SGMS2: variants seen among roughly 807,000 people sequenced by gnomAD.
The protein encoded by SGMS2 is phosphatidylcholine:ceramide cholinephosphotransferase 2.
Under a neutral mutation model 43.8 loss-of-function variants are expected in SGMS2, and 21 were observed. The ratio of observed to expected loss-of-function variants is 0.48; its 90% CI spans 0.34 to 0.69. The LOEUF is 0.69. SGMS2 is among the 30% of genes least tolerant of loss of function. SGMS2 has a pLI of 0.01. For synonymous variants in SGMS2, 167 were observed against 160.6 expected, an observed-to-expected ratio of 1.04 and a Z score of -0.30; for missense variants, 384 against 443.2, an observed-to-expected ratio of 0.87 and a Z score of 1.20.
intron 2 of SGMS2, 149 bp from the exon 3 acceptor site, chr4:107,895,161 G>C (rs567597637): frequency 2.4e-5 from 4 of 169,548 alleles, no homozygotes; most frequent in Non-Finnish European, 5.0e-5. Context: ...AAATAAACTT[G>C]ATCTCAGCAG....
intron 2 of SGMS2, among the ~76,000 whole-genome samples, chr4:107,879,612 C>T (rs1729193297): frequency 6.6e-6 from 1 of 151,990 alleles, no homozygotes; most frequent in Non-Finnish European, 1.5e-5. Context: ...CAGGCACACC[C>T]CACCATGCCT....
At chr4:107,883,033 T>C (rs922815033) in intron 2 of SGMS2, among the ~76,000 whole-genome samples, 1 of 152,174 alleles carries the variant, frequency 6.6e-6, no homozygotes, top group Non-Finnish European at 1.5e-5. Flanking sequence ...TATTTACACA[T>C]TTAATATATC....
chr4:107,869,026 TA>T (rs1728353877), intron 2 of SGMS2, among the ~76,000 whole-genome samples: 1 of 152,170 alleles, frequency 6.6e-6, no homozygotes, highest in South Asian at 2.1e-4. Flanking sequence ...AAGGTAGAAG[TA>T]AAGAATAGTA....
chr4:107,901,610 T>C (rs1432752026), intron 4 of SGMS2, among the ~76,000 whole-genome samples: 1 of 152,234 alleles, frequency 6.6e-6, no homozygotes, highest in Non-Finnish European at 1.5e-5. Flanking sequence ...TCCAGTTGCC[T>C]GCTCCCTTAT....
intron 2 of SGMS2, among the ~76,000 whole-genome samples, chr4:107,874,891 T>C (rs749139699): frequency 6.6e-6 from 1 of 152,142 alleles, no homozygotes; most frequent in Non-Finnish European, 1.5e-5. Flanking sequence ...GCGTCCCTCT[T>C]CCTAGAGCCA....
chr4:107,897,251 T>C (rs1730747059), intron 3 of SGMS2, among the ~76,000 whole-genome samples: 1 of 152,234 alleles, frequency 6.6e-6, no homozygotes, highest in African/African-American at 2.4e-5. Flanking sequence ...TCCTAAGCAT[T>C]TTCCTTAATA....
intron 2 of SGMS2, chr4:107,893,556 C>G (rs1730418789): frequency 6.6e-6 from 1 of 152,246 alleles, no homozygotes; most frequent in South Asian, 2.1e-4. Context: ...AAGACACTGT[C>G]AAGCCTGGGC....
intron 1 of SGMS2, among the ~76,000 whole-genome samples, chr4:107,856,117 CCTT>C (rs1317516996): frequency 1.3e-5 from 2 of 152,170 alleles, no homozygotes; most frequent in South Asian, 4.1e-4. Flanking sequence ...GATCAAGAAA[CCTT>C]CTCTATATTT....
Position 107,908,676 on chromosome 4 carries a change from C to T in SGMS2, c.839C>T (p.Ala280Val). 1 of 1,613,896 alleles carries T rather than the reference C, an allele frequency of 6.2e-7. No individual in the cohort carries two copies. Among genetic ancestry groups the T allele is most frequent in the Non-Finnish European group, 8.5e-7 (1 of 1,179,840 alleles). ...HEHYTIDVII[A>V]YYITTRLFWW... ...CACTACACTATCGATGTGATCATTG[C>T]TTATTATATCACAACACGACTGTTT... is the stretch of plus-strand genomic sequence containing the variant. The change falls in exon 6 of 7, where the codon GCT becomes GTT. Residue 280 changes from alanine to valine, a missense_variant. Transcript: ENST00000690982.
At chr4:107,836,544 C>G (rs1726187895) in intron 1 of SGMS2, among the ~76,000 whole-genome samples, 1 of 152,146 alleles carries the variant, frequency 6.6e-6, no homozygotes, top group African/African-American at 2.4e-5. Flanking sequence ...GGAAAGATGA[C>G]AACTCATACA....
intron 2 of SGMS2, among the ~76,000 whole-genome samples, chr4:107,883,460 G>A (rs753143185): frequency 1.2e-4 from 19 of 152,086 alleles, no homozygotes; most frequent in South Asian, 2.1e-4. Flanking sequence ...GACTACAGGC[G>A]TGTGCCATCA....
intron 1 of SGMS2, among the ~76,000 whole-genome samples, chr4:107,854,000 A>G (rs373567919): frequency 3.9e-5 from 6 of 152,266 alleles, no homozygotes; most frequent in African/African-American, 1.4e-4. Flanking sequence ...GAATTAATCT[A>G]TTTTCTATTC....
At position 107,911,350 on chromosome 4, in the gene SGMS2, C is replaced by T. The variant is rs541173153; in HGVS notation, c.*797C>T. ...GAGTACACACTTAGATGCTGTCTGC[C>T]CTGTAAATTTGGATCTGGTGCCCCA... On this transcript the variant is annotated 3_prime_UTR_variant, in exon 7 of 7. Coordinates refer to ENST00000690982, the MANE Select transcript of SGMS2 (RefSeq NM_001375905.1). 6.6e-5 allele frequency: 10 copies of T among 152,228 alleles called. No homozygotes were observed. The highest frequency in any genetic ancestry group is 2.4e-4 in the African/African-American group (10 of 41,526). 9.4% of individuals were successfully genotyped at this position (152,228 alleles called of 1,614,324 possible). A position where few individuals can be genotyped will look rare whatever the true frequency, so the allele number is the denominator to read the frequency against.
chr4:107,830,777 A>G (rs1324395910), intron 1 of SGMS2, among the ~76,000 whole-genome samples: 1 of 151,938 alleles, frequency 6.6e-6, no homozygotes, highest in African/African-American at 2.4e-5. Flanking sequence ...TAGATATTAG[A>G]CCTTAGATAG....
chr4:107,907,554 T>G lies in SGMS2; in HGVS notation c.728-1011T>G, dbSNP rs1731687495. ...TGAACCCAGGGGACAGAGGTTGCAG[T>G]GAGCCAAGATCGTGCCATTGAACTC... On this transcript the variant is annotated intron_variant, in intron 5 of 6. Coordinates refer to ENST00000690982, the MANE Select transcript of SGMS2 (RefSeq NM_001375905.1). Among the ~76,000 whole-genome samples, 3 of 152,260 alleles carry G rather than the reference T, an allele frequency of 2.0e-5. No individual in the cohort carries two copies. The South Asian group carries it at 6.2e-4, about 32-fold the overall frequency.
chr4:107,899,763 C>T, intron 4 of SGMS2, 71 bp downstream of exon 4: 2 of 1,023,796 alleles, frequency 2.0e-6, no homozygotes, highest in Non-Finnish European at 2.9e-6. Flanking sequence ...CTGTATTATA[C>T]ATTCTTCTAG....
At chr4:107,905,690 C>T (rs1217821298) in intron 5 of SGMS2, among the ~76,000 whole-genome samples, 1 of 152,142 alleles carries the variant, frequency 6.6e-6, no homozygotes. Context: ...CTTTTAATTT[C>T]TTGGCTCTGT....
intron 1 of SGMS2, among the ~76,000 whole-genome samples, chr4:107,830,232 A>G (rs1725815514): frequency 6.6e-6 from 1 of 152,230 alleles, no homozygotes; most frequent in Admixed American, 6.5e-5. Flanking sequence ...ATGACTGCAT[A>G]GTATTCCATG....
chr4:107,876,950 T>C (rs916204883), intron 2 of SGMS2, among the ~76,000 whole-genome samples: 2 of 152,168 alleles, frequency 1.3e-5, no homozygotes, highest in Non-Finnish European at 2.9e-5. Flanking sequence ...GGACTAGCCA[T>C]TATTCTTAGG....
Sources: allele counts gnomAD v4.1 joint callset (sites outside exome capture counted in the v4.1 genomes callset), GRCh38; gene constraint gnomAD v4.1.1; transcripts MANE v1.5; gene names NCBI Gene and HGNC (gene_info 2026-07-23, HGNC 2026-07-21).